Variants in XIRP2 observed in about 807,000 individuals in gnomAD.
XIRP2 encodes the protein xin actin binding repeat containing 2, also known as xin actin-binding repeat-containing protein 2.
XIRP2 carries 236 observed loss-of-function variants against 277.0 expected under a neutral mutation model. The ratio of observed to expected loss-of-function variants is 0.85; its 90% CI spans 0.77 to 0.95. The LOEUF (loss-of-function observed/expected upper bound fraction) is 0.95. XIRP2 is among the 40% of genes least tolerant of loss of function. The probability of loss-of-function intolerance (pLI) is 0.00; values close to 1 mark genes in which losing one functional copy is unlikely to be tolerated. For synonymous variants in XIRP2, 1,490 were observed against 1,416.5 expected, an observed-to-expected ratio of 1.05 and a Z score of -1.17; for missense variants, 4,640 against 4,157.5, an observed-to-expected ratio of 1.12 and a Z score of -3.19.
chr2:167,157,890 G>A (rs1692246477), intron 3 of XIRP2, among the ~76,000 whole-genome samples: 1 of 152,078 alleles, frequency 6.6e-6, no homozygotes, highest in African/African-American at 2.4e-5. Context: ...TAACTATCTA[G>A]TAATTTTGGA....
chr2:167,018,937 A>C (rs1390548933), intron 2 of XIRP2, among the ~76,000 whole-genome samples: 2 of 152,018 alleles, frequency 1.3e-5, no homozygotes, highest in African/African-American at 4.8e-5. Context: ...GAGCACCTGG[A>C]AGGCAGGGAT....
chr2:167,174,278 G>A (rs950676970), intron 3 of XIRP2, among the ~76,000 whole-genome samples: 1 of 152,108 alleles, frequency 6.6e-6, no homozygotes, highest in East Asian at 1.9e-4. Flanking sequence ...ATTAATTACT[G>A]CCTCAATTTC....
chr2:166,959,140 C>G (rs563686940), intron 2 of XIRP2, among the ~76,000 whole-genome samples: 1 of 151,910 alleles, frequency 6.6e-6, no homozygotes, highest in South Asian at 2.1e-4. Context: ...TATTCTTGTC[C>G]TGGTTGTACC....
At chr2:167,172,339 G>A (rs898021294) in intron 3 of XIRP2, among the ~76,000 whole-genome samples, 7 of 152,252 alleles carry the variant, frequency 4.6e-5, no homozygotes, top group East Asian at 3.9e-4. Context: ...TCACAGGACC[G>A]GGGCAAAATT....
At chr2:166,951,848 G>A (rs1163676151) in intron 2 of XIRP2, among the ~76,000 whole-genome samples, 2 of 152,022 alleles carry the variant, frequency 1.3e-5, no homozygotes, top group Non-Finnish European at 2.9e-5. Flanking sequence ...ATGCTTTGGA[G>A]AGCACAGACT....
intron 2 of XIRP2, among the ~76,000 whole-genome samples, chr2:167,091,572 T>G (rs1690148406): frequency 2.0e-5 from 3 of 152,088 alleles, no homozygotes; most frequent in South Asian, 4.1e-4. Context: ...ATTATTAGCC[T>G]TTTCTTCTTA....
intron 2 of XIRP2, among the ~76,000 whole-genome samples, chr2:166,925,590 TATATAC>T (rs370349376): frequency 0.11 from 6,529 of 59,172 alleles, 198 homozygotes; most frequent in Non-Finnish European, 0.13. Context: ...TGTGTATGTG[TATATAC>T]ATATATATAT....
At chr2:167,027,274 C>T (rs543706855) in intron 2 of XIRP2, among the ~76,000 whole-genome samples, 2 of 152,128 alleles carry the variant, frequency 1.3e-5, no homozygotes, top group East Asian at 1.9e-4. Flanking sequence ...TCACTGATAC[C>T]CTTTCTTCCA....
chr2:167,185,125 T>C (rs576328731), intron 3 of XIRP2, among the ~76,000 whole-genome samples: 1 of 152,178 alleles, frequency 6.6e-6, no homozygotes, highest in Non-Finnish European at 1.5e-5. Context: ...GTCCTGATGT[T>C]TTCATTGTCT....
intron 2 of XIRP2, among the ~76,000 whole-genome samples, chr2:167,015,747 G>A (rs892487345): frequency 6.6e-6 from 1 of 151,718 alleles, no homozygotes; most frequent in Non-Finnish European, 1.5e-5. Flanking sequence ...AAGTACCCTG[G>A]AGAAGGCAGA....
At chr2:167,101,548 G>C (rs1690487341) in intron 2 of XIRP2, among the ~76,000 whole-genome samples, 1 of 152,116 alleles carries the variant, frequency 6.6e-6, no homozygotes, top group Admixed American at 6.6e-5. Flanking sequence ...TTAGCTCCCA[G>C]TTATGAGTGA....
chr2:167,174,363 A>G (rs1289737031), intron 3 of XIRP2, among the ~76,000 whole-genome samples: 1 of 152,116 alleles, frequency 6.6e-6, no homozygotes, highest in Non-Finnish European at 1.5e-5. Context: ...ATGTCCAGCA[A>G]TTTATCCATT....
chr2:167,191,177 C>A (rs1453518761), intron 3 of XIRP2, among the ~76,000 whole-genome samples: 8 of 141,450 alleles, frequency 5.7e-5, no homozygotes, highest in African/African-American at 2.1e-4. Flanking sequence ...CAGAGTGAGA[C>A]CCTGTCTCAA....
In XIRP2 at chr2:167,258,856, T is replaced by A; in HGVS notation, c.*1039T>A. ...TTGGTATATTTGAATCTGAAAAGAC[T>A]TATTCGAGGAATGTACTAGCAATGG... On this transcript the variant is annotated 3_prime_UTR_variant, in exon 11 of 11. Coordinates refer to ENST00000409195, the MANE Select transcript of XIRP2 (RefSeq NM_152381.6). 6.2e-7 allele frequency: 1 copy of A among 1,613,238 alleles called. No individual in the cohort carries two copies.
chr2:167,145,068 T>C (rs1028975468), intron 3 of XIRP2, among the ~76,000 whole-genome samples: 1 of 152,178 alleles, frequency 6.6e-6, no homozygotes, highest in Admixed American at 6.5e-5. Flanking sequence ...TGGTGTTTTT[T>C]GCTTATGCCA....
chr2:167,098,046 G>A (rs903676170), intron 2 of XIRP2, among the ~76,000 whole-genome samples: 1 of 152,118 alleles, frequency 6.6e-6, no homozygotes, highest in Non-Finnish European at 1.5e-5. Context: ...TCTTCTCGAG[G>A]AGTATCTTTG....
chr2:167,044,831 G>A (rs1369581566), intron 2 of XIRP2, among the ~76,000 whole-genome samples: 2 of 152,042 alleles, frequency 1.3e-5, no homozygotes, highest in East Asian at 3.9e-4. Flanking sequence ...ACAGCCCAAA[G>A]TGATGTACAG....
chr2:167,087,067 T>C (rs1219593584), intron 2 of XIRP2, among the ~76,000 whole-genome samples: 1 of 151,550 alleles, frequency 6.6e-6, no homozygotes, highest in African/African-American at 2.4e-5. Context: ...TCCCCATCTT[T>C]GTGGTTTTAT....
chr2:167,214,270 A>AAG (rs1280814942), intron 4 of XIRP2, among the ~76,000 whole-genome samples: 2 of 88,634 alleles, frequency 2.3e-5, no homozygotes, highest in African/African-American at 5.7e-5. Flanking sequence ...AGAGAGAGAG[A>AAG]GAAAGAGAGG....
Sources: gnomAD v4.1 joint callset for allele counts (sites outside exome capture counted in the v4.1 genomes callset) on GRCh38, gnomAD v4.1.1 for gene constraint, MANE v1.5 for transcripts, NCBI Gene and HGNC (gene_info 2026-07-23, HGNC 2026-07-21) for gene names.